L3MBTL4: variants seen among roughly 807,000 people sequenced by gnomAD.
The protein encoded by L3MBTL4 is lethal(3)malignant brain tumor-like protein 4.
A neutral mutation model predicts 84.5 loss-of-function variants in L3MBTL4; 70 were observed. That is an observed-to-expected ratio of 0.83 (90% confidence interval 0.68 to 1.01). L3MBTL4 has a LOEUF of 1.01. L3MBTL4 is among the 50% of genes least tolerant of loss of function. The probability of loss-of-function intolerance (pLI) is 0.00; values close to 1 mark genes in which losing one functional copy is unlikely to be tolerated. For missense variants in L3MBTL4, 715 were observed against 754.8 expected, an observed-to-expected ratio of 0.95 and a Z score of 0.62; for synonymous variants, 274 against 259.8, an observed-to-expected ratio of 1.05 and a Z score of -0.52.
At chr18:6,032,385 TAC>T (rs111595039) in intron 16 of L3MBTL4, 18,117 of 343,078 alleles carry the variant, frequency 0.053, 215 homozygotes, top group African/African-American at 0.11. Context: ...TGAAATATGT[TAC>T]ACACACACAC....
chr18:5,958,236 C>A (rs761046880), intron 18 of L3MBTL4, among the ~76,000 whole-genome samples: 1 of 151,858 alleles, frequency 6.6e-6, no homozygotes, highest in Non-Finnish European at 1.5e-5. Context: ...ATAGAATTAC[C>A]CTGGGACCCC....
At chr18:6,405,904 G>A (rs2055715802) in intron 1 of L3MBTL4, among the ~76,000 whole-genome samples, 2 of 152,218 alleles carry the variant, frequency 1.3e-5, no homozygotes, top group South Asian at 4.1e-4. Flanking sequence ...CAGTCTGGGT[G>A]TCTGTGTGGT....
At chr18:6,290,364 T>A (rs1354150867) in intron 4 of L3MBTL4, among the ~76,000 whole-genome samples, 1 of 152,064 alleles carries the variant, frequency 6.6e-6, no homozygotes, top group Non-Finnish European at 1.5e-5. Context: ...CTTTATTAGG[T>A]TTTTGATTAC....
At position 5,956,284 on chromosome 18, in the gene L3MBTL4, A is replaced by G. The variant is rs539019745; in HGVS notation, c.1781T>C (p.Met594Thr). Residue 594 changes from methionine (M) to threonine (T), a missense_variant, in exon 19 of 19, where the codon ATG (methionine) becomes ACG (threonine). Met to Thr is a moderately conservative substitution (Grantham distance 81). Coordinates refer to ENST00000317931, the MANE Select transcript of L3MBTL4 (RefSeq NM_001330559.2). Reference protein sequence around the residue: ...PALKIYNSILMFRHSQELPEE... With the variant: ...PALKIYNSILTFRHSQELPEE... ...AGGGAGTTCCTGGGAATGCCTGAAC[A>G]TCAGGATAGAGTTGTAAATCTTCAG... 3 of 1,614,092 alleles carry G rather than the reference A, an allele frequency of 1.9e-6. No homozygotes were observed. The highest frequency in any genetic ancestry group is 2.7e-5 in the African/African-American group (2 of 75,036).
At chr18:6,203,770 G>A (rs1599135692) in intron 12 of L3MBTL4, among the ~76,000 whole-genome samples, 1 of 152,204 alleles carries the variant, frequency 6.6e-6, no homozygotes, top group East Asian at 1.9e-4. Context: ...TGGGAATCTG[G>A]GGTGCTGACC....
intron 1 of L3MBTL4, among the ~76,000 whole-genome samples, chr18:6,379,308 T>C (rs2054502360): frequency 6.6e-6 from 1 of 152,224 alleles, no homozygotes; most frequent in Non-Finnish European, 1.5e-5. Flanking sequence ...ATAGCCTTTA[T>C]TTCTTTCTCT....
chr18:6,149,789 G>A (rs991266576), intron 13 of L3MBTL4, among the ~76,000 whole-genome samples: 1 of 152,086 alleles, frequency 6.6e-6, no homozygotes, highest in African/African-American at 2.4e-5. Context: ...TTGGTACTTG[G>A]TTTATGTAAT....
At position 6,093,465 on chromosome 18, in the gene L3MBTL4, C is replaced by A. The variant is rs2143659816; in HGVS notation, c.1263G>T (p.Leu421Phe). The A allele has an allele frequency of 6.2e-7, 1 of 1,614,072 alleles. No homozygotes were observed. The highest frequency in any genetic ancestry group is 2.2e-5 in the East Asian group (1 of 44,862). Reference protein sequence around the residue: ...LKKEATLHDRLREQTQANLES... With the variant: ...LKKEATLHDRFREQTQANLES... ...CCAAATTTGCCTGTGTTTGTTCTCTCAAACGATCGTGAAGTGTTGCCTCCT... is the reference window on the plus strand; with the variant it reads ...CCAAATTTGCCTGTGTTTGTTCTCTAAAACGATCGTGAAGTGTTGCCTCCT... The change falls in exon 15 of 19, where the codon TTG becomes TTT. Residue 421 changes from leucine to phenylalanine, a missense_variant. Coordinates refer to ENST00000317931, the MANE Select transcript of L3MBTL4 (RefSeq NM_001330559.2).
chr18:6,138,546 T>A (rs75327202), intron 13 of L3MBTL4, among the ~76,000 whole-genome samples: 5,283 of 152,240 alleles, frequency 0.035, 133 homozygotes, highest in Admixed American at 0.084. Context: ...TGAATAGGCA[T>A]TGAAGAATTT....
rs2051584397 is a variant in L3MBTL4 at position 6,324,137 on chromosome 18, C to T, written c.-90-12081G>A. The stretch of plus-strand genomic sequence containing the variant: ...CAGCTTCCACATGGTGTTAAGCCCA[C>T]AGGTGCACAGAATTGAGGCTCAGGA... On this transcript the variant is annotated intron_variant, in intron 1 of 18. Coordinates refer to ENST00000317931, the MANE Select transcript of L3MBTL4 (RefSeq NM_001330559.2). 1.3e-5 allele frequency among the ~76,000 whole-genome samples: 2 copies of T among 151,948 alleles called. 1 individual carries two copies. The highest frequency in any genetic ancestry group is 6.8e-3 in the Middle Eastern group (2 of 294).
intron 16 of L3MBTL4, 94 bp from the exon 17 acceptor site, chr18:5,969,656 C>A: frequency 7.6e-7 from 1 of 1,310,990 alleles, no homozygotes; most frequent in Non-Finnish European, 1.0e-6. Flanking sequence ...AGTCAGGGGA[C>A]GGAAAGTGCA....
At chr18:6,032,759 T>C (rs2055895276) in intron 16 of L3MBTL4, among the ~76,000 whole-genome samples, 1 of 152,214 alleles carries the variant, frequency 6.6e-6, no homozygotes, top group African/African-American at 2.4e-5. Context: ...TCTGTCTCTA[T>C]GATTTTGACT....
At chr18:6,356,085 T>C (rs924753305) in intron 1 of L3MBTL4, among the ~76,000 whole-genome samples, 2 of 152,234 alleles carry the variant, frequency 1.3e-5, no homozygotes, top group African/African-American at 4.8e-5. Flanking sequence ...GCTCTCTTTC[T>C]AGTGACTAAT....
At chr18:5,958,065 A>G (rs200037454) in intron 18 of L3MBTL4, among the ~76,000 whole-genome samples, 593 of 18,902 alleles carry the variant, frequency 0.031, 6 homozygotes, top group East Asian at 0.16. Flanking sequence ...GGAGAAGGAG[A>G]AGAAGAAGAA....
chr18:5,977,663 G>T (rs534563502), intron 16 of L3MBTL4, among the ~76,000 whole-genome samples: 2 of 152,358 alleles, frequency 1.3e-5, no homozygotes, highest in South Asian at 4.1e-4. Flanking sequence ...CAGGGTTTGA[G>T]TTCCTGCTGT....
At chr18:6,003,174 T>A (rs891327719) in intron 16 of L3MBTL4, among the ~76,000 whole-genome samples, 1 of 141,662 alleles carries the variant, frequency 7.1e-6, no homozygotes, top group Non-Finnish European at 1.5e-5. Context: ...TATCTCTATT[T>A]ATAGAGATAC....
intron 16 of L3MBTL4, among the ~76,000 whole-genome samples, chr18:5,988,898 T>C (rs762224321): frequency 5.3e-5 from 8 of 152,212 alleles, no homozygotes; most frequent in Non-Finnish European, 8.8e-5. Context: ...CTGTAACTTG[T>C]CCTTACCACC....
At chr18:6,245,244 T>A (rs1341587671) in intron 5 of L3MBTL4, among the ~76,000 whole-genome samples, 1 of 152,188 alleles carries the variant, frequency 6.6e-6, no homozygotes, top group Non-Finnish European at 1.5e-5. Flanking sequence ...AGCTCAGTGA[T>A]GTGGCTAAAG....
At chr18:6,197,928 G>A (rs1167611330) in intron 12 of L3MBTL4, among the ~76,000 whole-genome samples, 1 of 152,232 alleles carries the variant, frequency 6.6e-6, no homozygotes, top group Non-Finnish European at 1.5e-5. Context: ...GTTAAGTGGT[G>A]CAGGTCAGAC....
Sources: allele counts gnomAD v4.1 joint callset (sites outside exome capture counted in the v4.1 genomes callset), GRCh38; gene constraint gnomAD v4.1.1; transcripts MANE v1.5; gene names NCBI Gene and HGNC (gene_info 2026-07-23, HGNC 2026-07-21).